The following ACCSL variants were observed in gnomAD, a reference collection of about 807,000 sequenced individuals.
ACCSL encodes probable inactive 1-aminocyclopropane-1-carboxylate synthase-like protein 2.
ACCSL carries 55 observed loss-of-function variants against 61.7 expected under a neutral mutation model. The observed-to-expected ratio is 0.89, with a 90% CI of 0.72 to 1.12. The LOEUF (loss-of-function observed/expected upper bound fraction) is 1.12. Ranked by LOEUF, ACCSL falls within the 50% of genes most tolerant of loss-of-function variation. ACCSL has a pLI of 0.00. For synonymous variants in ACCSL, 258 were observed against 264.3 expected, an observed-to-expected ratio of 0.98 and a Z score of 0.23; for missense variants, 632 against 698.0, an observed-to-expected ratio of 0.91 and a Z score of 1.07.
chr11:43,957,412 T>C, the ACCSL span, among the ~76,000 whole-genome samples: 2 of 152,122 alleles, frequency 1.3e-5, no homozygotes, highest in East Asian at 1.9e-4. Context: ...GAAGTCAATA[T>C]AAAGAAATGC....
the ACCSL span, among the ~76,000 whole-genome samples, chr11:43,973,458 CTAT>C: frequency 8.0e-6 from 1 of 125,588 alleles, no homozygotes; most frequent in Non-Finnish European, 1.7e-5. Context: ...ATCTATCTAT[CTAT>C]CTCCTGGAAA....
the ACCSL span, among the ~76,000 whole-genome samples, chr11:43,955,311 TA>T: frequency 1.3e-5 from 2 of 152,134 alleles, no homozygotes; most frequent in Admixed American, 1.3e-4. Context: ...TAGTAATTTA[TA>T]AAGAGCAGAA....
chr11:43,972,035 C>A, the ACCSL span, among the ~76,000 whole-genome samples: 729 of 152,316 alleles, frequency 4.8e-3, 3 homozygotes, highest in African/African-American at 0.017. Context: ...AACAGCATGT[C>A]TACTTTTGTC....
chr11:44,008,988 G>A, the ACCSL span, among the ~76,000 whole-genome samples: 13 of 152,254 alleles, frequency 8.5e-5, 1 homozygote, highest in Admixed American at 4.6e-4. Flanking sequence ...GCAACATGGC[G>A]AGACCCTGTC....
chr11:43,926,430 C>T, the ACCSL span: 3 of 437,640 alleles, frequency 6.9e-6, no homozygotes, highest in Admixed American at 8.0e-5. Flanking sequence ...CTCGTTCTTG[C>T]AGGCCACTTT....
At chr11:43,980,188 GTTTA>G in the ACCSL span, among the ~76,000 whole-genome samples, 1 of 152,128 alleles carries the variant, frequency 6.6e-6, no homozygotes, top group Non-Finnish European at 1.5e-5. Flanking sequence ...ATATACCATA[GTTTA>G]TTTATTTAAT....
the ACCSL span, among the ~76,000 whole-genome samples, chr11:44,014,331 G>C: frequency 1.3e-5 from 2 of 152,154 alleles, no homozygotes; most frequent in African/African-American, 2.4e-5. Context: ...GGGCTTCCAG[G>C]CTCACTCTGT....
chr11:44,049,990 C>T (rs1590428727), intron 1 of ACCSL, 72 bp from the exon 2 acceptor site: 5 of 1,590,578 alleles, frequency 3.1e-6, no homozygotes, highest in Non-Finnish European at 3.5e-6. Flanking sequence ...TCCATTTGAA[C>T]TAATGTTTCA....
chr11:44,054,845 C>T (rs1047940872), intron 8 of ACCSL, among the ~76,000 whole-genome samples: 1 of 152,180 alleles, frequency 6.6e-6, no homozygotes, highest in Non-Finnish European at 1.5e-5. Flanking sequence ...GAGCTCCTGA[C>T]TCTACCAGTT....
chr11:44,018,998 T>G, the ACCSL span, among the ~76,000 whole-genome samples: 9 of 152,250 alleles, frequency 5.9e-5, no homozygotes. Context: ...CTAATTCATT[T>G]TCTGTCTGTA....
the ACCSL span, among the ~76,000 whole-genome samples, chr11:43,924,251 C>T: frequency 1.4e-4 from 21 of 152,344 alleles, no homozygotes; most frequent in Admixed American, 7.8e-4. Flanking sequence ...ATCTGGTGTC[C>T]GCAGTGGTCT....
At position 44,050,056 on chromosome 11, in the gene ACCSL, C is replaced by A. The variant is rs757709839; in HGVS notation, c.505-6C>A. The A allele has an allele frequency of 1.2e-6, 2 of 1,614,182 alleles. No individual in the cohort carries two copies. The highest frequency in any genetic ancestry group is 3.3e-5 in the Admixed American group (2 of 60,026). ...TGACCTGATCTTGGATTCCTTCCAT[C>A]TCCAGGGTTTCATTAACCTTGGCAC... On this transcript the variant is annotated splice_polypyrimidine_tract_variant and splice_region_variant and intron_variant, in intron 1 of 13. Coordinates refer to ENST00000378832, the MANE Select transcript of ACCSL (RefSeq NM_001031854.2).
At chr11:43,967,628 G>T in the ACCSL span, among the ~76,000 whole-genome samples, 4 of 152,036 alleles carry the variant, frequency 2.6e-5, no homozygotes, top group East Asian at 7.7e-4. Flanking sequence ...GTTTGGTCAG[G>T]TTTTTGATCC....
chr11:44,020,932 T>A, the ACCSL span, among the ~76,000 whole-genome samples: 1 of 152,198 alleles, frequency 6.6e-6, no homozygotes, highest in Admixed American at 6.5e-5. Context: ...TCCAACTACA[T>A]CTGGGTTGCT....
At chr11:43,959,633 T>C in the ACCSL span, among the ~76,000 whole-genome samples, 1 of 152,180 alleles carries the variant, frequency 6.6e-6, no homozygotes, top group African/African-American at 2.4e-5. Context: ...TACTCTGCCC[T>C]TGCTGTCTTG....
chr11:44,005,477 C>G, the ACCSL span, among the ~76,000 whole-genome samples: 5 of 152,108 alleles, frequency 3.3e-5, no homozygotes, highest in African/African-American at 1.2e-4. Flanking sequence ...CTCCTCGACT[C>G]AGGGGCTCTG....
chr11:43,935,035 C>T, the ACCSL span, among the ~76,000 whole-genome samples: 37 of 152,170 alleles, frequency 2.4e-4, no homozygotes, highest in African/African-American at 8.9e-4. Flanking sequence ...TCCATGGAAG[C>T]CAGCCTTCCC....
chr11:43,926,639 T>C, the ACCSL span: 1 of 322,214 alleles, frequency 3.1e-6, no homozygotes, highest in Non-Finnish European at 6.2e-6. Context: ...AAATTAGTTT[T>C]TTCTCCTTAC....
At chr11:43,965,795 A>C in the ACCSL span, among the ~76,000 whole-genome samples, 70,481 of 152,046 alleles carry the variant, frequency 0.46, 17,181 homozygotes, top group East Asian at 0.61. Context: ...AAATAAACCC[A>C]TACATCTATA....
Sources: allele counts gnomAD v4.1 joint callset (sites outside exome capture counted in the v4.1 genomes callset), GRCh38; gene constraint gnomAD v4.1.1; transcripts MANE v1.5; gene names NCBI Gene and HGNC (gene_info 2026-07-23, HGNC 2026-07-21).